The following WDR90 variants were observed in gnomAD, a reference collection of about 807,000 sequenced individuals.
The protein encoded by WDR90 is WD repeat-containing protein 90.
Under a neutral mutation model 195.2 loss-of-function variants are expected in WDR90, and 238 were observed. The observed-to-expected ratio is 1.22, with a 90% CI of 1.10 to 1.36. WDR90 has a LOEUF of 1.36. Among genes scored for constraint, WDR90 ranks in the 40% most tolerant of loss-of-function variants. The pLI is 0.00. For synonymous variants in WDR90, 1,265 were observed against 1,052.4 expected, an observed-to-expected ratio of 1.20 and a Z score of -3.91; for missense variants, 2,734 against 2,439.5, an observed-to-expected ratio of 1.12 and a Z score of -2.54.
chr16:660,825 G>A, intron 28 of WDR90, 111 bp downstream of exon 28: 1 of 1,233,906 alleles, frequency 8.1e-7, no homozygotes, highest in South Asian at 1.5e-5. Flanking sequence ...AGCCATCAGT[G>A]TGGGGCTCTG....
Position 667,002 on chromosome 16 carries a change from G to A in WDR90, c.5089+13G>A, listed in dbSNP as rs1442875043. 2.5e-6 allele frequency: 4 copies of A among 1,583,118 alleles called. No individual in the cohort carries two copies. Among genetic ancestry groups the A allele is most frequent in the East Asian group, 2.3e-5 (1 of 42,790 alleles). ...GTTGGCTTTGCTGGTGAGTGCTGGT[G>A]GATGCAGTTTGGGCCTGTCTTAGGT... On this transcript the variant is annotated intron_variant, in intron 40 of 40. Transcript: ENST00000293879.
chr16:656,309 G>C lies in WDR90; in HGVS notation c.1974G>C (p.Glu658Asp). 3.1e-6 allele frequency: 5 copies of C among 1,606,434 alleles called. No individual in the cohort carries two copies. Among genetic ancestry groups the C allele is most frequent in the Non-Finnish European group, 4.2e-6 (5 of 1,177,890 alleles). ...ACCCCACCCCACCCACAGAGCACGA[G>C]GGCCCCGTCAGCTCAGTCTGTGTCA... ...FSSVLLEAEHEGPVSSVCVSP... is the reference protein window; with the variant it reads ...FSSVLLEAEHDGPVSSVCVSP... The change falls in exon 18 of 41, where the codon GAG becomes GAC. Residue 658 changes from glutamate to aspartate, a missense_variant. By Grantham distance (45) the Glu-to-Asp change is conservative. Coordinates refer to ENST00000293879, the MANE Select transcript of WDR90 (RefSeq NM_145294.5).
rs113601268 is a variant in WDR90, at chr16:653,738, G to A, written c.1380-8G>A. On this transcript the variant is annotated splice_polypyrimidine_tract_variant and splice_region_variant and intron_variant, in intron 12 of 40. Transcript: ENST00000293879. The stretch of plus-strand genomic sequence containing the variant: ...AGGCGACAATGACCACCTCCTCCCT[G>A]TTCACAGCTTCTCTGACAGCGGGGC... 0.036 allele frequency: 58,628 copies of A among 1,613,314 alleles called. 1,141 individuals carry two copies. Among genetic ancestry groups the A allele is most frequent in the African/African-American group, 0.056 (4,183 of 75,070 alleles).
In WDR90 at chr16:651,728, A is replaced by G; in HGVS notation, c.821A>G (p.Gln274Arg). 2 of 1,613,112 alleles carry G rather than the reference A, an allele frequency of 1.2e-6. No homozygotes were observed. Among genetic ancestry groups the G allele is most frequent in the South Asian group, 2.2e-5 (2 of 91,088 alleles). ...PVRFSVSPVV[Q>R]TPSPTASGRA... is the part of the protein sequence containing the mutation. Reference sequence around the variant, plus strand: ...CGGTTCAGTGTGTCTCCAGTGGTCCAGACGCCCAGCCCCACAGCCGTGAGT... The same window carrying G: ...CGGTTCAGTGTGTCTCCAGTGGTCCGGACGCCCAGCCCCACAGCCGTGAGT... Residue 274 changes from glutamine to arginine, a missense_variant, in exon 8 of 41, where the codon CAG becomes CGG. Gln to Arg is a conservative substitution (Grantham distance 43). Transcript: ENST00000293879.
intron 26 of WDR90, among the ~76,000 whole-genome samples, chr16:659,758 C>T (rs2037854024): frequency 6.6e-6 from 1 of 152,192 alleles, no homozygotes; most frequent in South Asian, 2.1e-4. Context: ...GCAGTGGGCT[C>T]CTGGGGGCTT....
rs2151337117 is a variant in WDR90, at chr16:662,682, T to C, written c.4149T>C (p.Ser1383=). 6.5e-7 allele frequency: 1 copy of C among 1,547,966 alleles called. No homozygotes were observed. The change falls in exon 34 of 41, where the codon TCT becomes TCC. Residue 1383 remains serine (S), a synonymous_variant. Transcript: ENST00000293879. ...ELRCKGSGAS[S]VFMEHELVLD... ...TTCCCTGCACCCTGAGGTCCAGTTC[T>C]GTGTTCATGGAACACGAGCTGGTGC...
In WDR90 at chr16:658,912, C is replaced by A. The variant is rs141591899; in HGVS notation, c.2912C>A (p.Ser971Ter). Reference protein sequence around the residue: ...SPGPQVYIGHSEPVQAVAFSP... With the variant: ...SPGPQVYIGH ...TACCCCTAGGTGTACATCGGCCACTCGGAACCCGTGCAGGCTGTGGCCTTC... is the reference window on the plus strand; with the variant it reads ...TACCCCTAGGTGTACATCGGCCACTAGGAACCCGTGCAGGCTGTGGCCTTC... Residue 971 changes from serine (S) to a stop codon, truncating the protein, a stop_gained, in exon 24 of 41, where the codon TCG (serine) becomes TAG (stop). Coordinates refer to ENST00000293879, the MANE Select transcript of WDR90 (RefSeq NM_145294.5). LOFTEE classifies it high-confidence loss of function. 6.2e-7 allele frequency: 1 copy of A among 1,612,248 alleles called. No individual in the cohort carries two copies. The highest frequency in any genetic ancestry group is 8.5e-7 in the Non-Finnish European group (1 of 1,179,970).
chr16:650,948 G>T (rs1320803330), intron 5 of WDR90, 47 bp from the exon 6 acceptor site: 2 of 1,601,572 alleles, frequency 1.2e-6, no homozygotes, highest in East Asian at 4.5e-5. Flanking sequence ...CTGTGTTCAG[G>T]TGGCTAAACA....
intron 20 of WDR90, chr16:657,422 C>T: frequency 1.1e-6 from 1 of 924,170 alleles, no homozygotes; most frequent in Non-Finnish European, 1.6e-6. Flanking sequence ...GGCCAGAGGT[C>T]AGCTCGGGTC....
chr16:649,612 C>A lies in WDR90; in HGVS notation c.11-151C>A, dbSNP rs1164188364. On this transcript the variant is annotated intron_variant, in intron 1 of 40. Transcript: ENST00000293879. ...AGCTTGGCTTCCCTCGGGCGCCCGG[C>A]CTCGTCCCGCCAGCCTAGCTGGCGT... The A allele has an allele frequency of 4.9e-5, 56 of 1,134,222 alleles. No homozygotes were observed. In the East Asian group the frequency reaches 1.8e-3, roughly 36 times the overall value. The allele number at this position is 1,134,222 out of a possible 1,614,324, so 70.3% of individuals were successfully genotyped here.
rs373383514 is a variant in WDR90 at position 658,325 on chromosome 16, C to A, written c.2747C>A (p.Ser916Ter). Residue 916 changes from serine to a stop codon, truncating the protein, a stop_gained, in exon 22 of 41, where the codon TCG becomes TAG. Transcript: ENST00000293879. LOFTEE classifies it high-confidence loss of function. The stretch of plus-strand genomic sequence containing the variant: ...AGAGTCGTGGTGCTGGATGCTGTGT[C>A]GGGCCGCATCATCCGGGAGGTGAGC... ...SNRVVVLDAVSGRIIRELPGV... is the reference protein window; with the variant it reads ...SNRVVVLDAV 3 of 1,612,420 alleles carry A rather than the reference C, an allele frequency of 1.9e-6. No individual in the cohort carries two copies. The East Asian group carries it at 6.7e-5, about 36-fold the overall frequency.
Position 649,941 on chromosome 16 carries a change from G to A in WDR90, c.103-50G>A, listed in dbSNP as rs1222143475. The A allele has an allele frequency of 3.1e-6, 5 of 1,594,242 alleles. No individual in the cohort carries two copies. The Middle Eastern group carries it at 5.2e-4, about 167-fold the overall frequency. On this transcript the variant is annotated intron_variant, in intron 2 of 40. Coordinates refer to ENST00000293879, the MANE Select transcript of WDR90 (RefSeq NM_145294.5). ...CGCCCCCGAGGGCCCCCTCGCCCCC[G>A]CTGCACTTCTTCTGGGTGCTGTCGG...
chr16:662,800 G>C lies in WDR90; in HGVS notation c.4267G>C (p.Ala1423Pro). The C allele has an allele frequency of 1.9e-6, 3 of 1,599,888 alleles. No homozygotes were observed. The highest frequency in any genetic ancestry group is 2.6e-6 in the Non-Finnish European group (3 of 1,174,156). The change falls in exon 34 of 41, where the codon GCC becomes CCC. Residue 1423 changes from alanine to proline, a missense_variant. Physicochemically the swap from Ala to Pro is conservative, Grantham distance 27. Transcript: ENST00000293879. ...TAGTLWFVSWAEGTSTRLISG... is the reference protein window; with the variant it reads ...TAGTLWFVSWPEGTSTRLISG... Reference sequence around the variant, plus strand: ...GGGCACGCTGTGGTTTGTCAGCTGGGCCGAGGGCACCAGCACACGTCTCAT... The same window carrying C: ...GGGCACGCTGTGGTTTGTCAGCTGGCCCGAGGGCACCAGCACACGTCTCAT...
intron 17 of WDR90, 98 bp from the exon 18 acceptor site, chr16:656,204 C>T: frequency 8.8e-7 from 1 of 1,137,118 alleles, no homozygotes; most frequent in Non-Finnish European, 1.3e-6. Flanking sequence ...CTTTGAGCAG[C>T]AGGGAGTGCA....
intron 40 of WDR90, 43 bp from the exon 41 acceptor site, chr16:667,389 T>C (rs771568338): frequency 1.9e-6 from 3 of 1,560,142 alleles, no homozygotes; most frequent in South Asian, 2.4e-5. Flanking sequence ...CTCTGAGTGC[T>C]GCCTGGTCCT....
At chr16:662,914 TCTC>T (rs1212766351) in intron 34 of WDR90, 70 bp downstream of exon 34, 1 of 1,528,440 alleles carries the variant, frequency 6.5e-7, no homozygotes, top group Middle Eastern at 1.7e-4. Flanking sequence ...GCCGGCTCCA[TCTC>T]CACCAGCCCA....
In WDR90 at chr16:650,988, C is replaced by T. The variant is rs187459379; in HGVS notation, c.560-7C>T. 3.9e-3 allele frequency: 6,358 copies of T among 1,612,946 alleles called. 32 individuals are homozygous for T. The highest frequency in any genetic ancestry group is 0.01 in the Middle Eastern group (61 of 6,060). ...CCCTTGACCTGGAACAACCCTGCTC[C>T]TTGTAGCCATCTCTGGGGCCCAGTG... is the stretch of plus-strand genomic sequence containing the variant. On this transcript the variant is annotated splice_polypyrimidine_tract_variant and splice_region_variant and intron_variant, in intron 5 of 40. Coordinates refer to ENST00000293879, the MANE Select transcript of WDR90 (RefSeq NM_145294.5).
chr16:660,844 G>C lies in WDR90; in HGVS notation c.3391+130G>C, dbSNP rs1370685348. 4.4e-6 allele frequency: 5 copies of C among 1,132,436 alleles called. No homozygotes were observed. In the African/African-American group the frequency reaches 6.5e-5, roughly 15 times the overall value. The allele number at this position is 1,132,436 out of a possible 1,614,324, so 70.1% of individuals were successfully genotyped here. A position where few individuals can be genotyped will look rare whatever the true frequency, so the allele number is the denominator to read the frequency against. ...ATCAGTGTGGGGCTCTGTTCTCCCG[G>C]TAGCGCCTCCTGGCGCTCCAGCCGA... On this transcript the variant is annotated intron_variant, in intron 28 of 40. Coordinates refer to ENST00000293879, the MANE Select transcript of WDR90 (RefSeq NM_145294.5).
chr16:660,910 C>A (rs184540549), intron 28 of WDR90, 141 bp from the exon 29 acceptor site: 77 of 819,036 alleles, frequency 9.4e-5, no homozygotes, highest in Non-Finnish European at 1.2e-4. Flanking sequence ...CTGGGGAGGG[C>A]GCAGCTGGGA....
Sources: gnomAD v4.1 joint callset for allele counts (sites outside exome capture counted in the v4.1 genomes callset) on GRCh38, gnomAD v4.1.1 for gene constraint, MANE v1.5 for transcripts, NCBI Gene and HGNC (gene_info 2026-07-23, HGNC 2026-07-21) for gene names.